The following SLFN12L variants were observed in gnomAD, a reference collection of about 807,000 sequenced individuals.
The protein encoded by SLFN12L is schlafen family member 12-like.
In SLFN12L, 34 loss-of-function variants were observed where a neutral mutation model predicts 34.8. That is an observed-to-expected ratio of 0.98 (90% CI 0.74 to 1.30). The LOEUF is 1.30. Ranked by LOEUF, SLFN12L falls within the 50% of genes most tolerant of loss-of-function variation. The pLI, the probability that SLFN12L is intolerant of heterozygous loss-of-function variation, is 0.00. For synonymous variants in SLFN12L, 259 were observed against 247.5 expected (o/e 1.05, Z -0.44); for missense variants, 703 against 696.2 (o/e 1.01, Z -0.11).
intron 2 of SLFN12L, among the ~76,000 whole-genome samples, chr17:35,493,454 C>G (rs144314700): frequency 0.025 from 3,741 of 152,266 alleles, 171 homozygotes; most frequent in African/African-American, 0.085. Flanking sequence ...GCTCACCTGG[C>G]TAGATTGTTG....
intron 2 of SLFN12L, chr17:35,510,363 C>T (rs1043707979): frequency 1.1e-4 from 16 of 152,054 alleles, no homozygotes; most frequent in Non-Finnish European, 1.2e-4. Flanking sequence ...AAATGTCTAT[C>T]GAGATGAATG....
At chr17:35,535,078 G>T (rs2072445631) in intron 1 of SLFN12L, among the ~76,000 whole-genome samples, 1 of 152,068 alleles carries the variant, frequency 6.6e-6, no homozygotes, top group Non-Finnish European at 1.5e-5. Flanking sequence ...TTACCAATGA[G>T]GAAACTGAGG....
chr17:35,514,282 C>T (rs944671396), intron 2 of SLFN12L, among the ~76,000 whole-genome samples: 3 of 152,222 alleles, frequency 2.0e-5, no homozygotes, highest in Non-Finnish European at 2.9e-5. Flanking sequence ...CAGCACACCT[C>T]GCAGATTTAT....
intron 2 of SLFN12L, chr17:35,499,325 T>C (rs11654381): frequency 0.12 from 64,671 of 543,610 alleles, 5,096 homozygotes; most frequent in Non-Finnish European, 0.15. Flanking sequence ...CCTGTAGCCA[T>C]TGAATTCCTG....
chr17:35,515,295 G>T (rs1485931205), intron 2 of SLFN12L: 4 of 378,074 alleles, frequency 1.1e-5, no homozygotes, highest in Non-Finnish European at 2.0e-5. Flanking sequence ...CGGCGGGACA[G>T]GCACTTGGAA....
Position 35,471,517 on chromosome 17 carries a change from T to G in SLFN12L, c.*3406A>C, listed in dbSNP as rs1477043368. Among the ~76,000 whole-genome samples, 1 of 152,194 alleles carries G rather than the reference T, an allele frequency of 6.6e-6. No homozygotes were observed. Among genetic ancestry groups the G allele is most frequent in the African/African-American group, 2.4e-5 (1 of 41,440 alleles). Reference sequence around the variant, plus strand: ...TGGGATTCCTGGGTCAAATGGTATTTCTGGTTCTAGATCCTTGAGGAATCG... The same window carrying G: ...TGGGATTCCTGGGTCAAATGGTATTGCTGGTTCTAGATCCTTGAGGAATCG... On this transcript the variant is annotated 3_prime_UTR_variant, in exon 5 of 5. Transcript: ENST00000628453.
chr17:35,527,619 A>T (rs1348704506), intron 1 of SLFN12L, among the ~76,000 whole-genome samples: 1 of 152,218 alleles, frequency 6.6e-6, no homozygotes. Context: ...TTATCTCAAT[A>T]GATGCAGAAA....
At chr17:35,532,534 G>A (rs1408427566) in intron 1 of SLFN12L, among the ~76,000 whole-genome samples, 3 of 151,990 alleles carry the variant, frequency 2.0e-5, no homozygotes, top group South Asian at 2.1e-4. Flanking sequence ...CCTGAGGGAC[G>A]TTATCAAGAA....
rs1913827076 is a variant in SLFN12L at position 35,472,751 on chromosome 17, A to T, written c.*2172T>A. ...ATAAATTACTTTGGGCAATATGGCC[A>T]TTTTCATGATATTGATTCTTCCTGT... On this transcript the variant is annotated 3_prime_UTR_variant, in exon 5 of 5. Coordinates refer to ENST00000628453, the MANE Select transcript of SLFN12L (RefSeq NM_001363830.2). Among the ~76,000 whole-genome samples the T allele has an allele frequency of 6.6e-6, 1 of 152,158 alleles. No homozygotes were observed. The highest frequency in any genetic ancestry group is 6.5e-5 in the Admixed American group (1 of 15,278).
intron 2 of SLFN12L, among the ~76,000 whole-genome samples, chr17:35,504,682 C>A (rs962109279): frequency 5.9e-5 from 9 of 152,192 alleles, no homozygotes; most frequent in Admixed American, 4.6e-4. Context: ...AGTCCAGCAC[C>A]CTGTGGGTCA....
chr17:35,514,966 A>G (rs950744312), intron 2 of SLFN12L: 13 of 453,444 alleles, frequency 2.9e-5, no homozygotes, highest in South Asian at 2.1e-4. Flanking sequence ...CACCAAAGCT[A>G]TATCTCTTCC....
At chr17:35,498,216 A>G (rs758348199) in intron 2 of SLFN12L, 12 of 458,436 alleles carry the variant, frequency 2.6e-5, no homozygotes, top group Non-Finnish European at 4.2e-5. Flanking sequence ...ATGTTCAGTC[A>G]TGAAATGAGT....
chr17:35,527,569 A>C (rs540636709), intron 1 of SLFN12L, among the ~76,000 whole-genome samples: 56 of 152,328 alleles, frequency 3.7e-4, no homozygotes, highest in African/African-American at 1.3e-3. Context: ...AATAAACGTA[A>C]TCCATCACAT....
chr17:35,480,532 T>C (rs1914289465), intron 2 of SLFN12L: 1 of 198,760 alleles, frequency 5.0e-6, no homozygotes, highest in South Asian at 1.9e-4. Flanking sequence ...GATTCTATGT[T>C]TTTATTTTCT....
rs374099295 is a variant in SLFN12L, at chr17:35,530,512, G to GA, written c.-606+7060dup. 5.9e-3 allele frequency among the ~76,000 whole-genome samples: 196 copies of GA among 33,334 alleles called. 12 individuals carry two copies. Among genetic ancestry groups the GA allele is most frequent in the African/African-American group, 0.018 (194 of 10,702 alleles). 21.9% of individuals were successfully genotyped at this position (33,334 alleles called of 152,430 possible). On this transcript the variant is annotated intron_variant, in intron 1 of 4. Coordinates refer to ENST00000628453, the MANE Select transcript of SLFN12L (RefSeq NM_001363830.2). ...AGAAAGAAAGAAAGAAAGAAAGAAA[G>GA]AAAAGAAAAGAAAAGAAAAGAAAAG...
intron 2 of SLFN12L, among the ~76,000 whole-genome samples, chr17:35,495,197 G>A (rs1020948490): frequency 6.6e-6 from 1 of 152,122 alleles, no homozygotes; most frequent in East Asian, 1.9e-4. Flanking sequence ...ACCACGCCTG[G>A]CCGCATTAAT....
chr17:35,477,656 A>G (rs200842320), intron 4 of SLFN12L, among the ~76,000 whole-genome samples: 2 of 152,256 alleles, frequency 1.3e-5, no homozygotes, highest in African/African-American at 4.8e-5. Context: ...AATATCTTCT[A>G]TGGGAGATAT....
intron 2 of SLFN12L, among the ~76,000 whole-genome samples, chr17:35,516,694 T>C (rs917307933): frequency 1.3e-5 from 2 of 152,234 alleles, no homozygotes; most frequent in South Asian, 2.1e-4. Flanking sequence ...TCTAGTCTAA[T>C]GATGAGCAGA....
At chr17:35,489,975 T>C in intron 2 of SLFN12L, 1 of 1,512,518 alleles carries the variant, frequency 6.6e-7, no homozygotes, top group South Asian at 1.1e-5. Context: ...AAAGAACCCT[T>C]AGCAAATTGG....
Sources: allele counts gnomAD v4.1 joint callset (sites outside exome capture counted in the v4.1 genomes callset), GRCh38; gene constraint gnomAD v4.1.1; transcripts MANE v1.5; gene names NCBI Gene and HGNC (gene_info 2026-07-23, HGNC 2026-07-21).